FZR1: variants seen among roughly 807,000 people sequenced by gnomAD.
FZR1 encodes the protein fizzy-related protein homolog.
A neutral mutation model predicts 63.6 loss-of-function variants in FZR1; 11 were observed. That is an observed-to-expected ratio of 0.17 (90% CI 0.11 to 0.29). FZR1 has a LOEUF of 0.29. FZR1 is among the 10% of genes least tolerant of loss of function. The pLI is 1.00. For missense variants in FZR1, 440 were observed against 687.5 expected (o/e 0.64, Z 4.03); for synonymous variants, 328 against 297.9 (o/e 1.10, Z -1.04).
In FZR1 at chr19:3,532,422, G is replaced by A; in HGVS notation, c.1014G>A (p.Leu338=). Residue 338 remains leucine, a synonymous_variant, in exon 11 of 14, where the codon CTG becomes CTA. Transcript: ENST00000441788. The part of the protein sequence containing the change: ...LASGGNDNKL[L]VWNHSSLSPV... ...TCACAGCCCCTGTCCCCCAGCTGCTGGTCTGGAATCACTCGAGCCTGAGCC... is the reference window on the plus strand; with the variant it reads ...TCACAGCCCCTGTCCCCCAGCTGCTAGTCTGGAATCACTCGAGCCTGAGCC... The A allele has an allele frequency of 6.3e-7, 1 of 1,592,622 alleles. No individual in the cohort carries two copies. The highest frequency in any genetic ancestry group is 1.1e-5 in the South Asian group (1 of 90,016).
chr19:3,518,556 G>A (rs1287704331), intron 1 of FZR1, among the ~76,000 whole-genome samples: 2 of 152,242 alleles, frequency 1.3e-5, no homozygotes, highest in East Asian at 1.9e-4. Context: ...GAGCCGTTCC[G>A]CTTGTGCCCG....
chr19:3,510,968 G>A (rs938453936), intron 1 of FZR1, among the ~76,000 whole-genome samples: 46 of 152,362 alleles, frequency 3.0e-4, no homozygotes, highest in African/African-American at 1.1e-3. Context: ...CCCGGACTGG[G>A]TTTCTATTGC....
intron 12 of FZR1, chr19:3,534,178 C>T (rs1734043029): frequency 2.3e-6 from 1 of 429,478 alleles, no homozygotes; most frequent in Non-Finnish European, 4.2e-6. Flanking sequence ...CAGGATTGCC[C>T]CACTGCACAC....
intron 1 of FZR1, among the ~76,000 whole-genome samples, chr19:3,508,740 C>T (rs1411147420): frequency 1.3e-5 from 2 of 152,198 alleles, no homozygotes; most frequent in African/African-American, 2.4e-5. Context: ...ACTCCTTTCT[C>T]CTGGCGCAAA....
In FZR1 at chr19:3,526,833, G is replaced by A. The variant is rs114772742; in HGVS notation, c.388-147G>A. 5.2e-3 allele frequency: 3,319 copies of A among 633,530 alleles called. 36 individuals are homozygous for A. Among genetic ancestry groups the A allele is most frequent in the African/African-American group, 0.033 (1,797 of 55,022 alleles). The allele number at this position is 633,530 out of a possible 1,614,324, so 39.2% of individuals were successfully genotyped here. On this transcript the variant is annotated intron_variant, in intron 5 of 13. Coordinates refer to ENST00000441788, the MANE Select transcript of FZR1 (RefSeq NM_016263.4). The surrounding 1 kb of genome is among the most constrained non-coding windows in gnomAD (Gnocchi z 5.4). ...GGGGGTCCGCAGTCCCCGCCAGGAA[G>A]GCGCCTGCCTTTTTACAGCTGCTCC...
At position 3,526,858 on chromosome 19, in the gene FZR1, C is replaced by T. The variant is rs746462621; in HGVS notation, c.388-122C>T. The T allele has an allele frequency of 8.9e-5, 63 of 710,948 alleles. 2 individuals are homozygous for T. The highest frequency in any genetic ancestry group is 3.0e-4 in the South Asian group (18 of 61,010). 44.0% of individuals were successfully genotyped at this position (710,948 alleles called of 1,614,324 possible). A position where few individuals can be genotyped will look rare whatever the true frequency, so the allele number is the denominator to read the frequency against. Reference sequence around the variant, plus strand: ...GGCGCCTGCCTTTTTACAGCTGCTCCACACAGGGTCTCAGCACCTGCCTTA... The same window carrying T: ...GGCGCCTGCCTTTTTACAGCTGCTCTACACAGGGTCTCAGCACCTGCCTTA... On this transcript the variant is annotated intron_variant, in intron 5 of 13. Transcript: ENST00000441788. The surrounding 1 kb of genome is among the most constrained non-coding windows in gnomAD (Gnocchi z 5.4).
chr19:3,534,950 C>A lies in FZR1; in HGVS notation c.*114C>A. On this transcript the variant is annotated 3_prime_UTR_variant, in exon 14 of 14. Transcript: ENST00000441788. ...TTGTCCCCCGAGGAAGGCGGCTGGG[C>A]GGGCGGGGAGCTGGGCCTGGAGGAT... 1 of 851,132 alleles carries A rather than the reference C, an allele frequency of 1.2e-6. No individual in the cohort carries two copies. Among genetic ancestry groups the A allele is most frequent in the East Asian group, 2.5e-5 (1 of 39,390 alleles). 52.7% of individuals were successfully genotyped at this position (851,132 alleles called of 1,614,324 possible).
At position 3,533,420 on chromosome 19, in the gene FZR1, CA is replaced by C; in HGVS notation, c.1347+24del. 1 of 1,462,464 alleles carries C rather than the reference CA, an allele frequency of 6.8e-7. No homozygotes were observed. Among genetic ancestry groups the C allele is most frequent in the Non-Finnish European group, 9.6e-7 (1 of 1,042,896 alleles). The allele number at this position is 1,462,464 out of a possible 1,614,324, so 90.6% of individuals were successfully genotyped here. ...CCTGGTGAGTTCACGCCAGGCACTT[CA>C]AGGTGCCCCGGGATTCTGGACAAAC... On this transcript the variant is annotated intron_variant, in intron 12 of 13. Transcript: ENST00000441788. This position sits in a 1 kb window ranked among gnomAD's most constrained non-coding sequence, Gnocchi z 4.9.
rs755438350 is a variant in FZR1, at chr19:3,533,350, G to A, written c.1299G>A (p.Leu433=). 1.2e-6 allele frequency: 2 copies of A among 1,613,158 alleles called. No homozygotes were observed. Among genetic ancestry groups the A allele is most frequent in the Non-Finnish European group, 1.7e-6 (2 of 1,179,846 alleles). The change falls in exon 12 of 14, where the codon CTG becomes CTA. Residue 433 remains leucine, a synonymous_variant. Transcript: ENST00000441788. The surrounding 1 kb of genome is among the most constrained non-coding windows in gnomAD (Gnocchi z 4.9). ...TCCTTGTCTGGAAGTACCCCTCCCT[G>A]ACCCAGGTGGCCAAGCTGACCGGGC... ...NQILVWKYPS[L]TQVAKLTGHS...
In FZR1 at chr19:3,534,960, G is replaced by C; in HGVS notation, c.*124G>C. 1.0e-5 allele frequency: 8 copies of C among 774,500 alleles called. No homozygotes were observed. Among genetic ancestry groups the C allele is most frequent in the South Asian group, 7.2e-5 (5 of 69,468 alleles). The allele number at this position is 774,500 out of a possible 1,614,324, so 48.0% of individuals were successfully genotyped here. A position where few individuals can be genotyped will look rare whatever the true frequency, so the allele number is the denominator to read the frequency against. ...AGGAAGGCGGCTGGGCGGGCGGGGA[G>C]CTGGGCCTGGAGGATCCTGGAGTCT... is the stretch of plus-strand genomic sequence containing the variant. On this transcript the variant is annotated 3_prime_UTR_variant, in exon 14 of 14. Coordinates refer to ENST00000441788, the MANE Select transcript of FZR1 (RefSeq NM_016263.4).
In FZR1 at chr19:3,514,631, G is replaced by T. The variant is rs886242729; in HGVS notation, c.-35+8157G>T. On this transcript the variant is annotated intron_variant, in intron 1 of 13. Transcript: ENST00000441788. The surrounding 1 kb of genome is among the most constrained non-coding windows in gnomAD (Gnocchi z 4.2). ...TGCCCTGCTGAGGTCCCAGGAGGCT[G>T]CACACATTGAAATCCATACCCTGAG... 2.0e-5 allele frequency among the ~76,000 whole-genome samples: 3 copies of T among 152,192 alleles called. No individual in the cohort carries two copies. Among genetic ancestry groups the T allele is most frequent in the African/African-American group, 7.2e-5 (3 of 41,440 alleles).
chr19:3,526,137 C>T lies in FZR1; in HGVS notation c.213C>T (p.Pro71=), dbSNP rs1226630153. ...FHRINENEKS[P]SQNRKAKDAT... is the part of the protein sequence containing the mutation. ...GCCTGCAGGAGAATGAGAAGTCTCC[C>T]AGTCAGAACCGGAAAGCCAAGGACG... The change falls in exon 4 of 14, where the codon CCC becomes CCT. Residue 71 remains proline, a synonymous_variant. Coordinates refer to ENST00000441788, the MANE Select transcript of FZR1 (RefSeq NM_016263.4). The surrounding 1 kb of genome is among the most constrained non-coding windows in gnomAD (Gnocchi z 5.4). 1 of 1,612,968 alleles carries T rather than the reference C, an allele frequency of 6.2e-7. No homozygotes were observed. Among genetic ancestry groups the T allele is most frequent in the African/African-American group, 1.3e-5 (1 of 75,046 alleles).
At chr19:3,530,434 G>GCAT (rs1568238992) in intron 7 of FZR1, among the ~76,000 whole-genome samples, 1,392 of 75,636 alleles carry the variant, frequency 0.018, 165 homozygotes, top group South Asian at 0.17. Flanking sequence ...ATGGGAGAGC[G>GCAT]GATGGGAGAG....
In FZR1 at chr19:3,537,547, G is replaced by T. The variant is rs1269769497; in HGVS notation, c.*2711G>T. ...CAGGAGGCAGGAGCCTGGCCCAGGG[G>T]GTGCTGGTGCCTCCCCGGGGTCTGG... is the stretch of plus-strand genomic sequence containing the variant. On this transcript the variant is annotated 3_prime_UTR_variant, in exon 14 of 14. Transcript: ENST00000441788. 6.6e-6 allele frequency: 1 copy of T among 152,602 alleles called. No homozygotes were observed. The highest frequency in any genetic ancestry group is 1.5e-5 in the Non-Finnish European group (1 of 68,314). The allele number at this position is 152,602 out of a possible 1,614,324, so 9.5% of individuals were successfully genotyped here.
chr19:3,522,316 C>T (rs2083110121), intron 1 of FZR1, among the ~76,000 whole-genome samples: 1 of 152,226 alleles, frequency 6.6e-6, no homozygotes, highest in Non-Finnish European at 1.5e-5. Flanking sequence ...CTTTTCTTCA[C>T]ACCTCAACAT....
intron 1 of FZR1, among the ~76,000 whole-genome samples, chr19:3,512,661 T>G (rs2083031974): frequency 6.6e-6 from 1 of 152,012 alleles, no homozygotes; most frequent in African/African-American, 2.4e-5. Flanking sequence ...GTGTGCTGGG[T>G]GGGGTGGTGC....
Position 3,526,328 on chromosome 19 carries a change from C to A in FZR1, c.329C>A (p.Pro110Gln). The A allele has an allele frequency of 1.2e-6, 2 of 1,603,598 alleles. No homozygotes were observed. The highest frequency in any genetic ancestry group is 2.3e-5 in the East Asian group (1 of 44,220). The stretch of plus-strand genomic sequence containing the variant: ...GCCGGCATCGAGAAGGTGCAGGACC[C>A]GCAGACTGAGGACCGCAGGCTGCAG... ...LGAGIEKVQD[P>Q]QTEDRRLQPS... Residue 110 changes from proline (P) to glutamine (Q), a missense_variant, in exon 5 of 14, where the codon CCG becomes CAG. By Grantham distance (76) the Pro-to-Gln change is moderately conservative. Coordinates refer to ENST00000441788, the MANE Select transcript of FZR1 (RefSeq NM_016263.4). The surrounding 1 kb of genome is among the most constrained non-coding windows in gnomAD (Gnocchi z 5.4).
intron 13 of FZR1, 101 bp downstream of exon 13, chr19:3,534,614 C>A: frequency 1.1e-6 from 1 of 938,826 alleles, no homozygotes; most frequent in Non-Finnish European, 1.7e-6. Flanking sequence ...CTGGGTTCCC[C>A]CACTTCCGAG....
At position 3,530,976 on chromosome 19, in the gene FZR1, A is replaced by G. The variant is rs2083241114; in HGVS notation, c.720+119A>G. On this transcript the variant is annotated intron_variant, in intron 8 of 13. Transcript: ENST00000441788. ...CCTGAGGTCGCCTGTGTCCAAGCAT[A>G]GGTCTGTGTCCCCCACTGTCCCCGG... 4 of 700,320 alleles carry G rather than the reference A, an allele frequency of 5.7e-6. No homozygotes were observed. In the Admixed American group the frequency reaches 1.0e-4, roughly 18 times the overall value. The allele number at this position is 700,320 out of a possible 1,614,324, so 43.4% of individuals were successfully genotyped here.
Sources: gnomAD v4.1 joint callset for allele counts (sites outside exome capture counted in the v4.1 genomes callset) on GRCh38, gnomAD v4.1.1 for gene constraint, Gnocchi (gnomAD v3.1) non-coding constraint, MANE v1.5 for transcripts, NCBI Gene and HGNC (gene_info 2026-07-23, HGNC 2026-07-21) for gene names.